CA8: variants seen among roughly 807,000 people sequenced by gnomAD.
CA8 encodes carbonic anhydrase-related protein.
Under a neutral mutation model 41.4 loss-of-function variants are expected in CA8, and 22 were observed. The ratio of observed to expected loss-of-function variants is 0.53; its 90% CI spans 0.38 to 0.76. The LOEUF is 0.76. Among genes scored for constraint, CA8 ranks in the 30% least tolerant of loss-of-function variants. The probability of loss-of-function intolerance (pLI) is 0.00; values close to 1 mark genes in which losing one functional copy is unlikely to be tolerated. For synonymous variants in CA8, 121 were observed against 130.6 expected, an observed-to-expected ratio of 0.93 and a Z score of 0.50; for missense variants, 270 against 352.8, an observed-to-expected ratio of 0.77 and a Z score of 1.88.
intron 3 of CA8, among the ~76,000 whole-genome samples, chr8:60,234,377 T>C (rs749277458): frequency 1.3e-5 from 2 of 152,114 alleles, no homozygotes; most frequent in Non-Finnish European, 2.9e-5. Context: ...ATTAGGTAAA[T>C]ACTAAGGAAA....
intron 3 of CA8, among the ~76,000 whole-genome samples, chr8:60,253,388 T>C (rs970540863): frequency 2.0e-5 from 3 of 152,180 alleles, no homozygotes; most frequent in Admixed American, 2.0e-4. Context: ...TCCAATAATT[T>C]CATTCCAATA....
intron 8 of CA8, among the ~76,000 whole-genome samples, chr8:60,204,581 A>C (rs940260316): frequency 1.3e-5 from 2 of 152,240 alleles, no homozygotes; most frequent in African/African-American, 2.4e-5. Context: ...TAATTTTTAT[A>C]TCACATAATC....
intron 3 of CA8, chr8:60,264,858 A>C (rs533061345): frequency 1.3e-5 from 2 of 152,282 alleles, no homozygotes; most frequent in South Asian, 2.1e-4. Context: ...ACTTCAACAG[A>C]ATACTCTAAA....
chr8:60,191,247 A>C (rs1192583048), intron 8 of CA8, among the ~76,000 whole-genome samples: 1 of 152,054 alleles, frequency 6.6e-6, no homozygotes, highest in East Asian at 1.9e-4. Flanking sequence ...GAAATGGCTA[A>C]ATCGAGCTAA....
intron 3 of CA8, among the ~76,000 whole-genome samples, chr8:60,242,796 G>A (rs374011093): frequency 4.7e-4 from 72 of 152,334 alleles, no homozygotes; most frequent in African/African-American, 1.6e-3. Context: ...AGCAGAATCC[G>A]AGTCAGAGAA....
rs140080244 is a variant in CA8, at chr8:60,276,056, C to T, written c.292+3633G>A. 3.4e-3 allele frequency among the ~76,000 whole-genome samples: 524 copies of T among 152,326 alleles called. 1 individual carries two copies. The highest frequency in any genetic ancestry group is 0.016 in the South Asian group (77 of 4,828). ...GACACATAGGCATCCAAGCATGTAG[C>T]CCTCACTTGCCCCTTTTCTCAGGAA... On this transcript the variant is annotated intron_variant, in intron 2 of 8. Transcript: ENST00000317995.
At chr8:60,265,618 AC>A (rs766186497) in intron 3 of CA8, 3 of 354,296 alleles carry the variant, frequency 8.5e-6, no homozygotes, top group Non-Finnish European at 1.6e-5. Flanking sequence ...CAAAGCATCC[AC>A]AAAAATGACC....
In CA8 at chr8:60,232,398, A is replaced by G. The variant is rs1434721305; in HGVS notation, c.418-19T>C. 2 of 1,507,780 alleles carry G rather than the reference A, an allele frequency of 1.3e-6. No individual in the cohort carries two copies. The highest frequency in any genetic ancestry group is 2.2e-5 in the South Asian group (2 of 88,924). The allele number at this position is 1,507,780 out of a possible 1,614,324, so 93.4% of individuals were successfully genotyped here. A position where few individuals can be genotyped will look rare whatever the true frequency, so the allele number is the denominator to read the frequency against. Reference sequence around the variant, plus strand: ...GATGGAGCTGAGTGAGTGGCAACAGACAGACCACATCATTTAATGTGCTAC... The same window carrying G: ...GATGGAGCTGAGTGAGTGGCAACAGGCAGACCACATCATTTAATGTGCTAC... On this transcript the variant is annotated intron_variant, in intron 3 of 8. Transcript: ENST00000317995.
intron 3 of CA8, among the ~76,000 whole-genome samples, chr8:60,243,725 G>C (rs1274067898): frequency 6.6e-6 from 1 of 152,278 alleles, no homozygotes; most frequent in Non-Finnish European, 1.5e-5. Context: ...CGGTAGCCTT[G>C]CCTGTCTTTC....
Position 60,279,767 on chromosome 8 carries a change from G to A in CA8, c.214C>T (p.Pro72Ser). The stretch of plus-strand genomic sequence containing the variant: ...CAGTCTCGGCACACCACATAATTTG[G>A]GGAGAGGCGGACATCCAACAGCGAG... ...DPSLLDVRLS[P>S]NYVVCRDCEV... Residue 72 changes from proline to serine, a missense_variant, in exon 2 of 9, where the codon CCA becomes TCA. This residue lies in a region of CA8 where 123 missense variants were observed against 136.8 expected (regional missense o/e 0.90). Coordinates refer to ENST00000317995, the MANE Select transcript of CA8 (RefSeq NM_004056.6). 2 of 1,614,112 alleles carry A rather than the reference G, an allele frequency of 1.2e-6. No individual in the cohort carries two copies. Among genetic ancestry groups the A allele is most frequent in the East Asian group, 4.5e-5 (2 of 44,872 alleles).
At chr8:60,270,216 T>C (rs1034469671) in intron 2 of CA8, among the ~76,000 whole-genome samples, 1 of 152,130 alleles carries the variant, frequency 6.6e-6, no homozygotes, top group African/African-American at 2.4e-5. Flanking sequence ...TCTGCACAGA[T>C]GACAGAATAA....
Position 60,204,123 on chromosome 8 carries a change from C to A in CA8, c.*35+4627G>T, listed in dbSNP as rs544423039. On this transcript the variant is annotated intron_variant, in intron 8 of 8. Transcript: ENST00000317995. The stretch of plus-strand genomic sequence containing the variant: ...ACAGGAAAGGTCTTTCTTGGAGCCT[C>A]TAGAAATAAATTCTTTCCTTAGCTA... Among the ~76,000 whole-genome samples the A allele has an allele frequency of 1.1e-4, 17 of 152,308 alleles. No homozygotes were observed. In the South Asian group the frequency reaches 3.3e-3, roughly 30 times the overall value.
At chr8:60,253,754 G>T (rs1038583380) in intron 3 of CA8, among the ~76,000 whole-genome samples, 1 of 152,070 alleles carries the variant, frequency 6.6e-6, no homozygotes, top group Non-Finnish European at 1.5e-5. Context: ...TTCCCATCCT[G>T]AAATGGTCTC....
chr8:60,273,627 A>AG (rs1804139208), intron 2 of CA8, among the ~76,000 whole-genome samples: 1 of 152,278 alleles, frequency 6.6e-6, no homozygotes, highest in South Asian at 2.1e-4. Flanking sequence ...TGGAAGATGA[A>AG]GCACCAGCAG....
At chr8:60,191,250 C>T (rs996249542) in intron 8 of CA8, among the ~76,000 whole-genome samples, 5 of 151,830 alleles carry the variant, frequency 3.3e-5, no homozygotes, top group Middle Eastern at 3.2e-3. Flanking sequence ...ATGGCTAAAT[C>T]GAGCTAATTA....
At chr8:60,196,045 G>A (rs924595909) in intron 8 of CA8, among the ~76,000 whole-genome samples, 5 of 152,086 alleles carry the variant, frequency 3.3e-5, no homozygotes, top group African/African-American at 1.2e-4. Flanking sequence ...ATAATGAAAT[G>A]AAATAAAATC....
chr8:60,223,701 C>G (rs764677224), intron 6 of CA8, among the ~76,000 whole-genome samples: 1 of 152,168 alleles, frequency 6.6e-6, no homozygotes, highest in Non-Finnish European at 1.5e-5. Flanking sequence ...AATCCTTTAG[C>G]TCTGCATTAG....
chr8:60,190,763 A>G (rs1390857567), intron 8 of CA8, among the ~76,000 whole-genome samples: 1 of 150,704 alleles, frequency 6.6e-6, no homozygotes, highest in East Asian at 1.9e-4. Context: ...CACTGCAAAA[A>G]GAAACTGGAA....
chr8:60,259,689 A>T (rs1159328110), intron 3 of CA8, among the ~76,000 whole-genome samples: 1 of 152,198 alleles, frequency 6.6e-6, no homozygotes, highest in Non-Finnish European at 1.5e-5. Context: ...GATTTTTATG[A>T]AGTAAAAATG....
Sources: allele counts gnomAD v4.1 joint callset (sites outside exome capture counted in the v4.1 genomes callset), GRCh38; gene constraint gnomAD v4.1.1; regional missense constraint gnomAD v4.1.1; transcripts MANE v1.5; gene names NCBI Gene and HGNC (gene_info 2026-07-23, HGNC 2026-07-21).